The following MAOB variants were observed in gnomAD, a reference collection of about 807,000 sequenced individuals.
MAOB encodes amine oxidase [flavin-containing] B.
A neutral mutation model predicts 41.9 loss-of-function variants in MAOB; 15 were observed. That is an observed-to-expected ratio of 0.36 (90% CI 0.24 to 0.55). The LOEUF (loss-of-function observed/expected upper bound fraction) is 0.55, where lower values mean the gene tolerates loss of function less well. Ranked by LOEUF, MAOB falls within the 20% of genes least tolerant of loss-of-function variation. MAOB has a pLI of 0.86. For synonymous variants in MAOB, 167 were observed against 144.2 expected (o/e 1.16, Z -1.13); for missense variants, 345 against 398.7 (o/e 0.87, Z 1.15).
chrX:43,832,330 T>A (rs779925625), intron 3 of MAOB, among the ~76,000 whole-genome samples: 2 of 112,388 alleles, frequency 1.8e-5, no homozygotes, highest in East Asian at 5.6e-4. Context: ...ATGTCAGTGG[T>A]TGTTAGCATT....
At position 43,780,326 on chromosome X, in the gene MAOB, G is replaced by C. The variant is rs1036074437; in HGVS notation, c.1079+16C>G. On this transcript the variant is annotated intron_variant, in intron 10 of 14. Transcript: ENST00000378069. ...AAGGAAGGAAGAAACGAAAGAAGCAGCATTTCTTTTGTTACCTTTCCTCTT... is the reference window on the plus strand; with the variant it reads ...AAGGAAGGAAGAAACGAAAGAAGCACCATTTCTTTTGTTACCTTTCCTCTT... The C allele has an allele frequency of 2.2e-5, 26 of 1,186,843 alleles. No individual in the cohort carries two copies. Among genetic ancestry groups the C allele is most frequent in the Non-Finnish European group, 2.9e-5 (25 of 875,526 alleles).
chrX:43,867,476 A>G (rs1453349904), intron 1 of MAOB, among the ~76,000 whole-genome samples: 1 of 112,611 alleles, frequency 8.9e-6, no homozygotes, highest in Non-Finnish European at 1.9e-5. Context: ...TAAACACCTC[A>G]TACTGCACTG....
At chrX:43,875,447 T>G (rs1330897036) in intron 1 of MAOB, among the ~76,000 whole-genome samples, 1 of 112,111 alleles carries the variant, frequency 8.9e-6, no homozygotes, top group African/African-American at 3.2e-5. Flanking sequence ...ATATTCAAAA[T>G]CAGGAAGGAA....
chrX:43,779,459 T>C (rs1045707151), intron 10 of MAOB, among the ~76,000 whole-genome samples: 5 of 112,230 alleles, frequency 4.5e-5, no homozygotes, highest in African/African-American at 1.6e-4. Context: ...GAAAGTCTTT[T>C]CTATGTATGA....
chrX:43,871,253 T>C (rs1047486948), intron 1 of MAOB, among the ~76,000 whole-genome samples: 1 of 111,551 alleles, frequency 9.0e-6, no homozygotes, highest in African/African-American at 3.3e-5. Flanking sequence ...CAGCCAACAC[T>C]CTCAGCAGGT....
At chrX:43,852,031 T>G (rs967728544) in intron 1 of MAOB, among the ~76,000 whole-genome samples, 1 of 111,669 alleles carries the variant, frequency 9.0e-6, no homozygotes, top group African/African-American at 3.3e-5. Flanking sequence ...AGCCAGGTCT[T>G]TGCCCTTCAG....
intron 13 of MAOB, 112 bp from the exon 14 acceptor site, chrX:43,768,828 G>A: frequency 3.1e-6 from 2 of 643,040 alleles, no homozygotes; most frequent in Admixed American, 5.1e-5. Flanking sequence ...AAAACACCAA[G>A]GTAAAGGCCA....
chrX:43,819,940 T>C (rs1405076117), intron 3 of MAOB, among the ~76,000 whole-genome samples: 5 of 112,192 alleles, frequency 4.5e-5, no homozygotes, highest in Admixed American at 1.9e-4. Context: ...TATTTTTACA[T>C]CATAGATCAT....
chrX:43,844,816 G>A (rs1169795837), intron 1 of MAOB, among the ~76,000 whole-genome samples: 5 of 111,851 alleles, frequency 4.5e-5, no homozygotes, highest in African/African-American at 1.3e-4. Context: ...TTTTGGCCTC[G>A]GACTGGGAGC....
chrX:43,775,208 T>C lies in MAOB; in HGVS notation c.1202A>G (p.Tyr401Cys). 8.3e-7 allele frequency: 1 copy of C among 1,204,627 alleles called. No homozygotes were observed. Among genetic ancestry groups the C allele is most frequent in the East Asian group, 3.0e-5 (1 of 33,406 alleles). The change falls in exon 12 of 15, where the codon TAT becomes TGT. Residue 401 changes from tyrosine (Y) to cysteine (C), a missense_variant. Physicochemically the swap from Tyr to Cys is radical, Grantham distance 194. Coordinates refer to ENST00000378069, the MANE Select transcript of MAOB (RefSeq NM_000898.5). Reference sequence around the variant, plus strand: ...TTGAGTCAGGATCCCAGGGGGGAAATAAGTTGTGTAGCAGCCCCCAGAGTA... The same window carrying C: ...TTGAGTCAGGATCCCAGGGGGGAAACAAGTTGTGTAGCAGCCCCCAGAGTA... Reference protein sequence around the residue: ...EQYSGGCYTTYFPPGILTQYG... With the variant: ...EQYSGGCYTTCFPPGILTQYG...
At chrX:43,875,611 A>T (rs2035434549) in intron 1 of MAOB, among the ~76,000 whole-genome samples, 1 of 111,877 alleles carries the variant, frequency 8.9e-6, no homozygotes, top group African/African-American at 3.3e-5. Flanking sequence ...TGTGGGGCTG[A>T]AAACACTCGT....
chrX:43,817,827 G>A (rs985462995), intron 3 of MAOB, among the ~76,000 whole-genome samples: 1 of 112,090 alleles, frequency 8.9e-6, no homozygotes, highest in African/African-American at 3.2e-5. Flanking sequence ...CTTCCTCAGA[G>A]ATGCTTTTCC....
intron 2 of MAOB, among the ~76,000 whole-genome samples, chrX:43,842,923 A>T (rs1473599421): frequency 2.7e-5 from 3 of 111,558 alleles, no homozygotes; most frequent in Non-Finnish European, 1.9e-5. Context: ...GGGAATGAGG[A>T]GTACAAAATT....
intron 3 of MAOB, among the ~76,000 whole-genome samples, chrX:43,807,237 CGAA>C (rs1438653825): frequency 1.8e-5 from 2 of 112,333 alleles, no homozygotes; most frequent in Non-Finnish European, 3.8e-5. Context: ...CCATTCTCCA[CGAA>C]GAAGAAGTCA....
At chrX:43,793,353 T>C in intron 8 of MAOB, 66 bp downstream of exon 8, 1 of 891,347 alleles carries the variant, frequency 1.1e-6, no homozygotes, top group East Asian at 3.3e-5. Context: ...TTTTAAAAAA[T>C]GCATGCCTTA....
intron 2 of MAOB, among the ~76,000 whole-genome samples, chrX:43,840,571 C>T (rs1261081807): frequency 4.5e-5 from 5 of 111,403 alleles, no homozygotes; most frequent in Non-Finnish European, 9.4e-5. Flanking sequence ...GTGATTTCTG[C>T]GTTTCCAACT....
chrX:43,871,286 A>G (rs2035405788), intron 1 of MAOB, among the ~76,000 whole-genome samples: 1 of 111,634 alleles, frequency 9.0e-6, no homozygotes, highest in Non-Finnish European at 1.9e-5. Context: ...GGGACAGCCT[A>G]CTATAACATC....
chrX:43,780,327 C>T lies in MAOB; in HGVS notation c.1079+15G>A. ...AGGAAGGAAGAAACGAAAGAAGCAG[C>T]ATTTCTTTTGTTACCTTTCCTCTTT... On this transcript the variant is annotated intron_variant, in intron 10 of 14. Transcript: ENST00000378069. 8.4e-7 allele frequency: 1 copy of T among 1,188,794 alleles called. No individual in the cohort carries two copies. Among genetic ancestry groups the T allele is most frequent in the Non-Finnish European group, 1.1e-6 (1 of 877,219 alleles).
chrX:43,792,611 G>A (rs192407030), intron 8 of MAOB, among the ~76,000 whole-genome samples: 224 of 111,876 alleles, frequency 2.0e-3, no homozygotes, highest in African/African-American at 6.9e-3. Flanking sequence ...CTAATCATCA[G>A]ATAAATGCCA....
Sources: gnomAD v4.1 joint callset for allele counts (sites outside exome capture counted in the v4.1 genomes callset) on GRCh38, gnomAD v4.1.1 for gene constraint, MANE v1.5 for transcripts, NCBI Gene and HGNC (gene_info 2026-07-23, HGNC 2026-07-21) for gene names.